AKAP11: variants seen among roughly 807,000 people sequenced by gnomAD.
AKAP11 encodes the protein A-kinase anchor protein 11.
A neutral mutation model predicts 146.1 loss-of-function variants in AKAP11; 36 were observed. That is an observed-to-expected ratio of 0.25 (90% CI 0.19 to 0.33). AKAP11 has a LOEUF of 0.33. Among genes scored for constraint, AKAP11 ranks in the 10% least tolerant of loss-of-function variants. AKAP11 has a pLI of 1.00. For missense variants in AKAP11, 2,201 were observed against 2,197.0 expected (o/e 1.00, Z -0.04); for synonymous variants, 780 against 786.5 (o/e 0.99, Z 0.14).
chr13:42,283,825 A>G (rs1318326381), intron 1 of AKAP11, among the ~76,000 whole-genome samples: 1 of 152,218 alleles, frequency 6.6e-6, no homozygotes, highest in Non-Finnish European at 1.5e-5. Flanking sequence ...AAAGTGATGT[A>G]AGGCGTGCCA....
rs1043006989 is a variant in AKAP11 at position 42,302,871 on chromosome 13, T to C, written c.4125T>C (p.Ser1375=). 6.2e-7 allele frequency: 1 copy of C among 1,613,908 alleles called. No individual in the cohort carries two copies. The highest frequency in any genetic ancestry group is 8.5e-7 in the Non-Finnish European group (1 of 1,180,030). The change falls in exon 8 of 13, where the codon TCT becomes TCC. Residue 1375 remains serine, a synonymous_variant. Coordinates refer to ENST00000025301, the MANE Select transcript of AKAP11 (RefSeq NM_016248.4). ...ATGCCAATAGGCTTGCCTACCGATC[T>C]GTTAAATCAGGATTACAGGAAGCAG... ...DQYANRLAYR[S]VKSGLQEAAK...
chr13:42,314,407 T>C (rs939215013), intron 11 of AKAP11, among the ~76,000 whole-genome samples: 1 of 142,666 alleles, frequency 7.0e-6, no homozygotes, highest in Non-Finnish European at 1.5e-5. Context: ...ATCATGCCAC[T>C]GCACTCCAGC....
At chr13:42,275,791 T>C (rs1419653654) in intron 1 of AKAP11, among the ~76,000 whole-genome samples, 1 of 152,170 alleles carries the variant, frequency 6.6e-6, no homozygotes, top group African/African-American at 2.4e-5. Context: ...AATTCATGTA[T>C]GTAAAGCAAT....
At chr13:42,281,901 T>G (rs187617438) in intron 1 of AKAP11, among the ~76,000 whole-genome samples, 1 of 152,106 alleles carries the variant, frequency 6.6e-6, no homozygotes, top group Non-Finnish European at 1.5e-5. Flanking sequence ...TTAGTGTACC[T>G]CCTTCAAGTC....
chr13:42,311,448 T>C (rs998173844), intron 9 of AKAP11, among the ~76,000 whole-genome samples: 5 of 152,188 alleles, frequency 3.3e-5, no homozygotes, highest in African/African-American at 1.2e-4. Context: ...TAAAAAAGTG[T>C]CCTGGTTAGA....
chr13:42,319,905 A>AGG lies in AKAP11; in HGVS notation c.*678_*679dup, dbSNP rs1182820576. 3.4e-4 allele frequency: 21 copies of AGG among 61,424 alleles called. No individual in the cohort carries two copies. In the South Asian group the frequency reaches 5.4e-3, roughly 16 times the overall value. The allele number at this position is 61,424 out of a possible 1,614,324, so 3.8% of individuals were successfully genotyped here. A position where few individuals can be genotyped will look rare whatever the true frequency, so the allele number is the denominator to read the frequency against. ...ATGCTGCCAGTCATTCTGGCATGAA[A>AGG]GGTGTGTGTGTGTGTGTGTGTGTGT... On this transcript the variant is annotated 3_prime_UTR_variant, in exon 13 of 13. Transcript: ENST00000025301.
At position 42,273,261 on chromosome 13, in the gene AKAP11, GTAATGCACAGATATA is replaced by G. The variant is rs1216426901; in HGVS notation, c.-100+1035_-100+1049del. On this transcript the variant is annotated intron_variant, in intron 1 of 12. Coordinates refer to ENST00000025301, the MANE Select transcript of AKAP11 (RefSeq NM_016248.4). Reference sequence around the variant, plus strand: ...AGTACTAAGAAAAAATGGGGTATCAGTAATGCACAGATATATTTTTTTTAATGTCATCATTTTAGG... The same window carrying G: ...AGTACTAAGAAAAAATGGGGTATCAGTTTTTTTTAATGTCATCATTTTAGG... 2.0e-5 allele frequency among the ~76,000 whole-genome samples: 3 copies of G among 151,974 alleles called. No individual in the cohort carries two copies. In the South Asian group the frequency reaches 6.2e-4, roughly 31 times the overall value.
chr13:42,318,082 C>T (rs773715071), intron 12 of AKAP11, among the ~76,000 whole-genome samples: 1 of 152,116 alleles, frequency 6.6e-6, no homozygotes, highest in Admixed American at 6.5e-5. Context: ...TGTAATTGTA[C>T]CTAATGATTA....
At chr13:42,313,369 A>G (rs190805106) in intron 10 of AKAP11, among the ~76,000 whole-genome samples, 37 of 152,116 alleles carry the variant, frequency 2.4e-4, no homozygotes, top group African/African-American at 8.4e-4. Context: ...TCTGCTTGCT[A>G]TTTTTCATTC....
Position 42,300,011 on chromosome 13 carries a change from C to T in AKAP11, c.1265C>T (p.Ser422Phe). Residue 422 changes from serine (S) to phenylalanine (F), a missense_variant, in exon 8 of 13, where the codon TCT becomes TTT. Coordinates refer to ENST00000025301, the MANE Select transcript of AKAP11 (RefSeq NM_016248.4). ...AAGCCAACTCCTCGTAAACCAGAAT[C>T]TCCATATGGTAACCTGTGTGATGCT... Reference protein sequence around the residue: ...VRKPTPRKPESPYGNLCDAPD... With the variant: ...VRKPTPRKPEFPYGNLCDAPD... The T allele has an allele frequency of 6.2e-7, 1 of 1,613,964 alleles. No individual in the cohort carries two copies. The highest frequency in any genetic ancestry group is 1.1e-5 in the South Asian group (1 of 91,070).
At chr13:42,291,653 AG>A (rs1959218444) in intron 3 of AKAP11, among the ~76,000 whole-genome samples, 2 of 152,302 alleles carry the variant, frequency 1.3e-5, no homozygotes, top group East Asian at 1.9e-4. Context: ...AAATCTTCAC[AG>A]GTCTTGGGAT....
At chr13:42,292,330 C>G (rs1959244984) in intron 3 of AKAP11, 55 bp from the exon 4 acceptor site, 2 of 1,126,416 alleles carry the variant, frequency 1.8e-6, no homozygotes, top group Admixed American at 1.8e-5. Context: ...GGATCTCTTA[C>G]CCTTGTCTTA....
chr13:42,308,948 C>T (rs960273858), intron 9 of AKAP11, among the ~76,000 whole-genome samples: 3 of 150,784 alleles, frequency 2.0e-5, no homozygotes, highest in Non-Finnish European at 3.0e-5. Context: ...CTTTAAAGAA[C>T]AAGAAAAAGG....
chr13:42,271,990 G>T (rs1483108075), upstream of AKAP11, among the ~76,000 whole-genome samples: 1 of 150,878 alleles, frequency 6.6e-6, no homozygotes, highest in Non-Finnish European at 1.5e-5. Flanking sequence ...CGAGAGGCGC[G>T]CTGCCCTCTC....
At chr13:42,290,937 C>G (rs929276558) in intron 3 of AKAP11, among the ~76,000 whole-genome samples, 10 of 152,146 alleles carry the variant, frequency 6.6e-5, no homozygotes, top group Non-Finnish European at 1.3e-4. Flanking sequence ...GCTGACTATG[C>G]TCATTGCCAC....
At chr13:42,314,615 A>G (rs1960730347) in intron 11 of AKAP11, among the ~76,000 whole-genome samples, 1 of 152,100 alleles carries the variant, frequency 6.6e-6, no homozygotes, top group African/African-American at 2.4e-5. Flanking sequence ...TTTTCATAAT[A>G]TTTTCCTTCC....
Position 42,301,099 on chromosome 13 carries a change from G to A in AKAP11, c.2353G>A (p.Ala785Thr), listed in dbSNP as rs1330820130. ...TGTTACTTCTATACCGGTGCCCTTG[G>A]CAGGAAGTGCCCTTCTCCCATATCA... ...GIVTSIPVPL[A>T]GSALLPYHIS... Residue 785 changes from alanine (A) to threonine (T), a missense_variant, in exon 8 of 13, where the codon GCA (alanine) becomes ACA (threonine). By Grantham distance (58) the Ala-to-Thr change is moderately conservative. Coordinates refer to ENST00000025301, the MANE Select transcript of AKAP11 (RefSeq NM_016248.4). 3.1e-6 allele frequency: 5 copies of A among 1,614,048 alleles called. No individual in the cohort carries two copies. The East Asian group carries it at 8.9e-5, about 29-fold the overall frequency.
At position 42,302,192 on chromosome 13, in the gene AKAP11, T is replaced by C; in HGVS notation, c.3446T>C (p.Leu1149Ser). Residue 1149 changes from leucine (L) to serine (S), a missense_variant, in exon 8 of 13, where the codon TTG (leucine) becomes TCG (serine). This residue lies in a region of AKAP11 where 1,867 missense variants were observed against 1,833.5 expected (regional missense o/e 1.02). Coordinates refer to ENST00000025301, the MANE Select transcript of AKAP11 (RefSeq NM_016248.4). ...CCACACAACTCATCTGTTGGTAGTTTGTCTGAGAATGAACAAAATACTATA... is the reference window on the plus strand; with the variant it reads ...CCACACAACTCATCTGTTGGTAGTTCGTCTGAGAATGAACAAAATACTATA... ...STPHNSSVGS[L>S]SENEQNTIEK... The C allele has an allele frequency of 6.2e-7, 1 of 1,614,200 alleles. No homozygotes were observed. The highest frequency in any genetic ancestry group is 8.5e-7 in the Non-Finnish European group (1 of 1,180,012).
At position 42,307,011 on chromosome 13, in the gene AKAP11, C is replaced by T. The variant is rs532017743; in HGVS notation, c.5118-1443C>T. Among the ~76,000 whole-genome samples the T allele has an allele frequency of 5.3e-5, 8 of 152,076 alleles. No individual in the cohort carries two copies. The East Asian group carries it at 7.7e-4, about 15-fold the overall frequency. Reference sequence around the variant, plus strand: ...GATAGTGCATTTTTAGCCAACAAAACGATTATATTCTAAGCTATCATTCCG... The same window carrying T: ...GATAGTGCATTTTTAGCCAACAAAATGATTATATTCTAAGCTATCATTCCG... On this transcript the variant is annotated intron_variant, in intron 8 of 12. Transcript: ENST00000025301.
Sources: gnomAD v4.1 joint callset for allele counts (sites outside exome capture counted in the v4.1 genomes callset) on GRCh38, gnomAD v4.1.1 for gene constraint, gnomAD v4.1.1 regional missense constraint, MANE v1.5 for transcripts, NCBI Gene and HGNC (gene_info 2026-07-23, HGNC 2026-07-21) for gene names.